The following CYP46A1 variants were observed in gnomAD, a reference collection of about 807,000 sequenced individuals.
CYP46A1 encodes the protein cytochrome P450 family 46 subfamily A member 1.
A neutral mutation model predicts 63.3 loss-of-function variants in CYP46A1; 20 were observed. That is an observed-to-expected ratio of 0.32 (90% CI 0.22 to 0.46). The LOEUF is 0.46. CYP46A1 is among the 20% of genes least tolerant of loss of function. The pLI, the probability that CYP46A1 is intolerant of heterozygous loss-of-function variation, is 1.00. For synonymous variants in CYP46A1, 268 were observed against 273.6 expected (o/e 0.98, Z 0.20); for missense variants, 445 against 670.8 (o/e 0.66, Z 3.72).
At chr14:99,685,089 C>A (rs1298733963) in intron 1 of CYP46A1, among the ~76,000 whole-genome samples, 300 of 13,278 alleles carry the variant, frequency 0.023, 7 homozygotes, top group African/African-American at 0.056. Context: ...AACTTGCCAA[C>A]CCCCCCCCAC....
At chr14:99,718,549 G>T (rs146981743) in intron 10 of CYP46A1, among the ~76,000 whole-genome samples, 2 of 152,158 alleles carry the variant, frequency 1.3e-5, no homozygotes, top group African/African-American at 4.8e-5. Flanking sequence ...CTGCTAAATT[G>T]CCAAGAGCGT....
At chr14:99,707,539 G>GGAT (rs772190037) in intron 6 of CYP46A1, 29 bp from the exon 7 acceptor site, 1 of 1,598,256 alleles carries the variant, frequency 6.3e-7, no homozygotes, top group South Asian at 1.1e-5. Context: ...TGTGCCCCAG[G>GGAT]GATGACCTTG....
At chr14:99,691,060 A>G in intron 1 of CYP46A1, 21 bp from the exon 2 acceptor site, 1 of 1,612,084 alleles carries the variant, frequency 6.2e-7, no homozygotes, top group South Asian at 1.1e-5. Flanking sequence ...TGGTAAGCCT[A>G]ATGTTTCCTG....
At chr14:99,688,640 G>A (rs1383542537) in intron 1 of CYP46A1, among the ~76,000 whole-genome samples, 1 of 152,094 alleles carries the variant, frequency 6.6e-6, no homozygotes, top group Non-Finnish European at 1.5e-5. Context: ...TAATATGTAA[G>A]AATTCAAAGC....
At chr14:99,699,186 G>C (rs1179468972) in intron 3 of CYP46A1, among the ~76,000 whole-genome samples, 1 of 152,110 alleles carries the variant, frequency 6.6e-6, no homozygotes, top group Non-Finnish European at 1.5e-5. Flanking sequence ...GACATGGTAT[G>C]GGGTTCCGAG....
intron 10 of CYP46A1, among the ~76,000 whole-genome samples, chr14:99,718,985 T>C (rs1336680680): frequency 6.6e-6 from 1 of 151,472 alleles, no homozygotes; most frequent in Non-Finnish European, 1.5e-5. Flanking sequence ...CCTTCTCACC[T>C]ACGCATGAGC....
At chr14:99,715,994 G>T in intron 8 of CYP46A1, 34 bp downstream of exon 8, 1 of 1,594,948 alleles carries the variant, frequency 6.3e-7, no homozygotes, top group Admixed American at 1.7e-5. Context: ...TGGGGAGGGC[G>T]GGGTGGGCCA....
chr14:99,706,923 C>G (rs971321812), intron 6 of CYP46A1, 138 bp downstream of exon 6: 1 of 1,122,412 alleles, frequency 8.9e-7, no homozygotes, highest in African/African-American at 1.6e-5. Context: ...TTCATATATT[C>G]TGTATACATT....
chr14:99,704,449 AC>A (rs142096441), intron 5 of CYP46A1, among the ~76,000 whole-genome samples: 1,943 of 152,296 alleles, frequency 0.013, 30 homozygotes, highest in African/African-American at 0.045. Flanking sequence ...TCCAACCATT[AC>A]CCACACAGAA....
intron 2 of CYP46A1, chr14:99,691,558 A>C (rs895700597): frequency 3.4e-6 from 2 of 592,496 alleles, no homozygotes; most frequent in Non-Finnish European, 6.0e-6. Flanking sequence ...ACCCTATTCC[A>C]TGGCTGTGGA....
intron 12 of CYP46A1, among the ~76,000 whole-genome samples, chr14:99,724,942 C>T (rs1002421971): frequency 1.3e-5 from 2 of 152,336 alleles, no homozygotes; most frequent in African/African-American, 4.8e-5. Flanking sequence ...CCCACCCCTG[C>T]TGAAGTAGGC....
At chr14:99,721,836 G>T in intron 11 of CYP46A1, 120 bp from the exon 12 acceptor site, 1 of 712,468 alleles carries the variant, frequency 1.4e-6, no homozygotes, top group East Asian at 2.6e-5. Context: ...CCCAGGCCAG[G>T]GTGAGGGTAT....
At position 99,684,378 on chromosome 14, in the gene CYP46A1, C is replaced by G; in HGVS notation, c.-40C>G. ...TCGCGGCCTCCCGGCCCCCTCGGCG[C>G]CCGGCCCGACCCTGGCCTGGCCTGC... is the stretch of plus-strand genomic sequence containing the variant. On this transcript the variant is annotated 5_prime_UTR_variant, in exon 1 of 15. Transcript: ENST00000261835. 1 of 1,250,458 alleles carries G rather than the reference C, an allele frequency of 8.0e-7. No homozygotes were observed. 77.5% of individuals were successfully genotyped at this position (1,250,458 alleles called of 1,614,324 possible).
intron 9 of CYP46A1, among the ~76,000 whole-genome samples, chr14:99,716,869 G>C (rs966757855): frequency 6.6e-6 from 1 of 152,186 alleles, no homozygotes; most frequent in Non-Finnish European, 1.5e-5. Context: ...ATTGACACTG[G>C]GCACTGGGAA....
chr14:99,706,415 G>A, intron 5 of CYP46A1: 1 of 522,138 alleles, frequency 1.9e-6, no homozygotes, highest in East Asian at 3.4e-5. Context: ...GTTAGGACAA[G>A]AGCAAGGGAA....
intron 1 of CYP46A1, among the ~76,000 whole-genome samples, chr14:99,686,172 G>A (rs781021306): frequency 6.6e-6 from 1 of 152,098 alleles, no homozygotes; most frequent in African/African-American, 2.4e-5. Context: ...CGTGAGTTCC[G>A]TGGTGGACAC....
intron 5 of CYP46A1, among the ~76,000 whole-genome samples, chr14:99,700,613 G>A (rs573702790): frequency 6.6e-6 from 1 of 152,356 alleles, no homozygotes; most frequent in South Asian, 2.1e-4. Context: ...TCACATGTTT[G>A]TGGTGGTGCT....
intron 2 of CYP46A1, 147 bp from the exon 3 acceptor site, chr14:99,691,633 G>A (rs2056544126): frequency 2.8e-6 from 2 of 706,818 alleles, no homozygotes; most frequent in Non-Finnish European, 2.5e-6. Flanking sequence ...TGCCCCCAGG[G>A]CTCCTGGGCC....
chr14:99,719,761 C>CTT (rs55891116), intron 10 of CYP46A1, among the ~76,000 whole-genome samples: 2 of 118,040 alleles, frequency 1.7e-5, no homozygotes, highest in African/African-American at 3.1e-5. Flanking sequence ...TTTTTCTTTT[C>CTT]TTTTTTTTTT....
Sources: gnomAD v4.1 joint callset for allele counts (sites outside exome capture counted in the v4.1 genomes callset) on GRCh38, gnomAD v4.1.1 for gene constraint, MANE v1.5 for transcripts, NCBI Gene and HGNC (gene_info 2026-07-23, HGNC 2026-07-21) for gene names.